ANKRD49: variants seen among roughly 807,000 people sequenced by gnomAD.
ANKRD49 encodes the protein ankyrin repeat domain-containing protein 49.
In ANKRD49, 18 loss-of-function variants were observed where a neutral mutation model predicts 19.6. That is an observed-to-expected ratio of 0.92 (90% CI 0.63 to 1.36). The LOEUF (loss-of-function observed/expected upper bound fraction) is 1.36. ANKRD49 is among the 40% of genes most tolerant of loss of function. The pLI is 0.00. For synonymous variants in ANKRD49, 88 were observed against 101.8 expected, an observed-to-expected ratio of 0.86 and a Z score of 0.82; for missense variants, 218 against 281.6, an observed-to-expected ratio of 0.77 and a Z score of 1.62.
intron 1 of ANKRD49, 24 bp from the exon 2 acceptor site, chr11:94,496,580 T>G: frequency 1.0e-6 from 1 of 965,550 alleles, no homozygotes; most frequent in Admixed American, 2.6e-5. Context: ...GTTTTACTAA[T>G]AACTTTTGTA....
chr11:94,498,834 GAA>G lies in ANKRD49; in HGVS notation c.*304_*305del. 3.1e-6 allele frequency: 1 copy of G among 319,486 alleles called. No individual in the cohort carries two copies. The highest frequency in any genetic ancestry group is 5.8e-6 in the Non-Finnish European group (1 of 173,494). The allele number at this position is 319,486 out of a possible 1,614,324, so 19.8% of individuals were successfully genotyped here. A position where few individuals can be genotyped will look rare whatever the true frequency, so the allele number is the denominator to read the frequency against. On this transcript the variant is annotated 3_prime_UTR_variant, in exon 3 of 3. Transcript: ENST00000544612. The stretch of plus-strand genomic sequence containing the variant: ...TGGTATTTTTGGTGCTGATACAAGA[GAA>G]ATGTATTTTTAAATATCCCACATCC...
Position 94,494,899 on chromosome 11 carries a change from A to G in ANKRD49, c.-91+864A>G, listed in dbSNP as rs563714109. ...TGTTAAGTGTTTAATGAATTGATGTATGGTCATTTTTGTGTTGCAAGGTTC... is the reference window on the plus strand; with the variant it reads ...TGTTAAGTGTTTAATGAATTGATGTGTGGTCATTTTTGTGTTGCAAGGTTC... On this transcript the variant is annotated intron_variant, in intron 1 of 2. Transcript: ENST00000544612. Among the ~76,000 whole-genome samples, 17 of 152,288 alleles carry G rather than the reference A, an allele frequency of 1.1e-4. No individual in the cohort carries two copies. The East Asian group carries it at 3.1e-3, about 28-fold the overall frequency.
intron 1 of ANKRD49, among the ~76,000 whole-genome samples, chr11:94,495,233 A>G (rs1947396852): frequency 6.6e-6 from 1 of 152,224 alleles, no homozygotes; most frequent in Non-Finnish European, 1.5e-5. Context: ...TCAAGAAATC[A>G]GTATCTTGGG....
Position 94,498,404 on chromosome 11 carries a change from C to G in ANKRD49, c.592C>G (p.Arg198Gly). 6.2e-7 allele frequency: 1 copy of G among 1,613,432 alleles called. No individual in the cohort carries two copies. Among genetic ancestry groups the G allele is most frequent in the Non-Finnish European group, 8.5e-7 (1 of 1,179,864 alleles). The change falls in exon 3 of 3, where the codon CGT becomes GGT. Residue 198 changes from arginine (R) to glycine (G), a missense_variant. Transcript: ENST00000544612. Reference protein sequence around the residue: ...KDTLELLLMNRYVKPGLKNNL... With the variant: ...KDTLELLLMNGYVKPGLKNNL... ...TACCCTAGAACTCCTCCTGATGAACCGTTACGTCAAACCAGGGCTGAAAAA... is the reference window on the plus strand; with the variant it reads ...TACCCTAGAACTCCTCCTGATGAACGGTTACGTCAAACCAGGGCTGAAAAA...
At chr11:94,497,034 G>C in intron 2 of ANKRD49, 83 bp downstream of exon 2, 2 of 1,557,776 alleles carry the variant, frequency 1.3e-6, no homozygotes, top group Non-Finnish European at 1.8e-6. Context: ...TACTGTTATG[G>C]CCATCATACC....
intron 1 of ANKRD49, among the ~76,000 whole-genome samples, chr11:94,495,105 C>T (rs899170424): frequency 2.0e-5 from 3 of 152,070 alleles, no homozygotes; most frequent in Non-Finnish European, 4.4e-5. Flanking sequence ...GTAACAGGAC[C>T]AGAAAAGTTA....
intron 1 of ANKRD49, among the ~76,000 whole-genome samples, chr11:94,495,865 G>A (rs887486310): frequency 6.6e-6 from 1 of 152,158 alleles, no homozygotes; most frequent in African/African-American, 2.4e-5. Context: ...TAAGCTTCCT[G>A]AGGTGAAGAC....
chr11:94,494,769 G>T (rs1947386302), intron 1 of ANKRD49, among the ~76,000 whole-genome samples: 1 of 152,128 alleles, frequency 6.6e-6, no homozygotes, highest in Non-Finnish European at 1.5e-5. Flanking sequence ...TATATAAAGG[G>T]AGTTTTTATT....
intron 2 of ANKRD49, 42 bp downstream of exon 2, chr11:94,496,993 A>G: frequency 6.2e-7 from 1 of 1,609,366 alleles, no homozygotes; most frequent in Non-Finnish European, 8.5e-7. Context: ...CAGTAGGAAA[A>G]GCACTGGGTT....
In ANKRD49 at chr11:94,498,495, T is replaced by C. The variant is rs1185733426; in HGVS notation, c.683T>C (p.Ile228Thr). The change falls in exon 3 of 3, where the codon ATT (isoleucine) becomes ACT (threonine). Residue 228 changes from isoleucine (I) to threonine (T), a missense_variant. Ile to Thr is a moderately conservative substitution (Grantham distance 89, BLOSUM62 -1). Coordinates refer to ENST00000544612, the MANE Select transcript of ANKRD49 (RefSeq NM_017704.3). ...RTSIYHYLFE[I>T]VEGCTNSSPQ... ...AGTATCTATCACTACCTCTTTGAAA[T>C]TGTGGAAGGCTGTACAAATTCTTCA... 6.2e-7 allele frequency: 1 copy of C among 1,613,776 alleles called. No individual in the cohort carries two copies. The highest frequency in any genetic ancestry group is 1.1e-5 in the South Asian group (1 of 91,050).
chr11:94,495,007 T>A (rs1033097779), intron 1 of ANKRD49, among the ~76,000 whole-genome samples: 4 of 152,180 alleles, frequency 2.6e-5, no homozygotes, highest in Non-Finnish European at 4.4e-5. Flanking sequence ...TGGATATCTC[T>A]GATTCCAAGG....
chr11:94,497,254 T>G (rs1442869328), intron 2 of ANKRD49: 1 of 513,816 alleles, frequency 1.9e-6, no homozygotes, highest in East Asian at 2.9e-5. Flanking sequence ...AAAAACTAAC[T>G]ATACCAGGTA....
At position 94,496,738 on chromosome 11, in the gene ANKRD49, G is replaced by C. The variant is rs143188271; in HGVS notation, c.45G>C (p.Glu15Asp). 5 of 1,610,556 alleles carry C rather than the reference G, an allele frequency of 3.1e-6. No homozygotes were observed. In the African/African-American group the frequency reaches 5.4e-5, roughly 17 times the overall value. ...ATGATGATGGAATACCAGACCAAGA[G>C]AATTCCTTGGATTTTTCTGAACACT... is the stretch of plus-strand genomic sequence containing the variant. ...KGNDDGIPDQ[E>D]NSLDFSEHFN... Residue 15 changes from glutamate to aspartate, a missense_variant, in exon 2 of 3, where the codon GAG becomes GAC. By Grantham distance (45) the Glu-to-Asp change is conservative. Transcript: ENST00000544612.
At chr11:94,494,345 TGC>T in intron 1 of ANKRD49, among the ~76,000 whole-genome samples, 1 of 152,208 alleles carries the variant, frequency 6.6e-6, no homozygotes, top group Non-Finnish European at 1.5e-5. Flanking sequence ...TCAGCACATC[TGC>T]ACTGCTTTGT....
chr11:94,497,996 C>A, intron 2 of ANKRD49, 75 bp from the exon 3 acceptor site: 1 of 1,143,760 alleles, frequency 8.7e-7, no homozygotes, highest in Non-Finnish European at 1.2e-6. Context: ...TTAAATCTAA[C>A]ACCACAAGAC....
chr11:94,496,377 AT>A (rs1947418757), intron 1 of ANKRD49, among the ~76,000 whole-genome samples: 1 of 152,124 alleles, frequency 6.6e-6, no homozygotes, highest in Admixed American at 6.6e-5. Context: ...AGTTATAATA[AT>A]ATAATTGACT....
At position 94,498,488 on chromosome 11, in the gene ANKRD49, T is replaced by G; in HGVS notation, c.676T>G (p.Phe226Val). The part of the protein sequence containing the change: ...ARRTSIYHYL[F>V]EIVEGCTNSS... Reference sequence around the variant, plus strand: ...GAGGACAAGTATCTATCACTACCTCTTTGAAATTGTGGAAGGCTGTACAAA... The same window carrying G: ...GAGGACAAGTATCTATCACTACCTCGTTGAAATTGTGGAAGGCTGTACAAA... Residue 226 changes from phenylalanine (F) to valine (V), a missense_variant, in exon 3 of 3, where the codon TTT becomes GTT. Transcript: ENST00000544612. 6.2e-7 allele frequency: 1 copy of G among 1,613,776 alleles called. No homozygotes were observed. The highest frequency in any genetic ancestry group is 8.5e-7 in the Non-Finnish European group (1 of 1,179,742).
At position 94,498,432 on chromosome 11, in the gene ANKRD49, A is replaced by G. The variant is rs1401424472; in HGVS notation, c.620A>G (p.Asn207Ser). 7 of 1,613,820 alleles carry G rather than the reference A, an allele frequency of 4.3e-6. No individual in the cohort carries two copies. The highest frequency in any genetic ancestry group is 5.9e-6 in the Non-Finnish European group (7 of 1,179,856). ...NRYVKPGLKN[N>S]LEETAFDIAR... ...TACGTCAAACCAGGGCTGAAAAACA[A>G]CTTGGAAGAAACTGCATTTGATATT... Residue 207 changes from asparagine (N) to serine (S), a missense_variant, in exon 3 of 3, where the codon AAC becomes AGC. By Grantham distance (46) the Asn-to-Ser change is conservative (BLOSUM62 1). Transcript: ENST00000544612.
At chr11:94,496,202 T>C (rs1263089379) in intron 1 of ANKRD49, among the ~76,000 whole-genome samples, 1 of 152,188 alleles carries the variant, frequency 6.6e-6, no homozygotes, top group Non-Finnish European at 1.5e-5. Flanking sequence ...ATAGTATTTT[T>C]AGGAATTAGA....
Sources: allele counts gnomAD v4.1 joint callset (sites outside exome capture counted in the v4.1 genomes callset), GRCh38; gene constraint gnomAD v4.1.1; transcripts MANE v1.5; gene names NCBI Gene and HGNC (gene_info 2026-07-23, HGNC 2026-07-21).